Variants in CSMD1 observed in about 807,000 individuals in gnomAD.
CSMD1 encodes CUB and Sushi multiple domains 1, also known as CUB and sushi domain-containing protein 1.
A neutral mutation model predicts 417.5 loss-of-function variants in CSMD1; 213 were observed. The observed-to-expected ratio is 0.51, with a 90% CI of 0.46 to 0.57. The LOEUF (loss-of-function observed/expected upper bound fraction) is 0.57, where lower values mean the gene tolerates loss of function less well. CSMD1 is among the 20% of genes least tolerant of loss of function. The pLI is 0.00. For missense variants in CSMD1, 6,923 were observed against 4,529.7 expected, an observed-to-expected ratio of 1.53 and a Z score of -15.17; for synonymous variants, 2,862 against 1,736.8, an observed-to-expected ratio of 1.65 and a Z score of -16.11.
At chr8:4,834,956 C>CAAAAAAA (rs1194297821) in intron 1 of CSMD1, among the ~76,000 whole-genome samples, 4 of 19,832 alleles carry the variant, frequency 2.0e-4, no homozygotes, top group African/African-American at 7.4e-4. Flanking sequence ...GACTCCATCT[C>CAAAAAAA]AAAAAAAAAA....
chr8:4,120,097 G>A (rs1272386969), intron 3 of CSMD1, among the ~76,000 whole-genome samples: 1 of 152,136 alleles, frequency 6.6e-6, no homozygotes, highest in Non-Finnish European at 1.5e-5. Context: ...TGCTTGAGGG[G>A]ATGGACACCC....
At chr8:4,822,375 A>C (rs1799572011) in intron 1 of CSMD1, among the ~76,000 whole-genome samples, 3 of 152,066 alleles carry the variant, frequency 2.0e-5, no homozygotes, top group African/African-American at 7.2e-5. Flanking sequence ...TCATTGCTTT[A>C]TTTGACCTCA....
chr8:4,164,003 G>T (rs988192288), intron 3 of CSMD1, among the ~76,000 whole-genome samples: 3 of 152,174 alleles, frequency 2.0e-5, no homozygotes, highest in African/African-American at 7.2e-5. Flanking sequence ...ATCGTGAGGA[G>T]AAATTAAATA....
chr8:4,368,965 T>G (rs1371883793), intron 3 of CSMD1, among the ~76,000 whole-genome samples: 2 of 152,136 alleles, frequency 1.3e-5, no homozygotes, highest in African/African-American at 4.8e-5. Flanking sequence ...AGTTCAGCTC[T>G]GATTTTGGTT....
intron 1 of CSMD1, among the ~76,000 whole-genome samples, chr8:4,713,749 C>T (rs1808464158): frequency 6.6e-6 from 1 of 152,176 alleles, no homozygotes; most frequent in South Asian, 2.1e-4. Flanking sequence ...GAGGCAACTC[C>T]ACGGACAGGT....
chr8:3,640,987 C>A (rs1178840265), intron 7 of CSMD1, among the ~76,000 whole-genome samples: 1 of 149,388 alleles, frequency 6.7e-6, no homozygotes, highest in Non-Finnish European at 1.5e-5. Context: ...GAAAATATAC[C>A]ATCATTTTAA....
intron 3 of CSMD1, among the ~76,000 whole-genome samples, chr8:4,339,344 T>G (rs976734703): frequency 2.0e-5 from 3 of 152,094 alleles, no homozygotes; most frequent in Non-Finnish European, 4.4e-5. Context: ...GCTGGCAGAT[T>G]CATCAGCTGG....
chr8:3,081,723 A>G (rs1814114521), intron 49 of CSMD1, among the ~76,000 whole-genome samples: 1 of 152,198 alleles, frequency 6.6e-6, no homozygotes, highest in African/African-American at 2.4e-5. Context: ...ATTACAGCAG[A>G]TAGTCTTTCT....
At chr8:4,034,005 CA>C (rs1201064301) in intron 3 of CSMD1, among the ~76,000 whole-genome samples, 2 of 152,294 alleles carry the variant, frequency 1.3e-5, no homozygotes, top group East Asian at 1.9e-4. Context: ...GAAATACAAA[CA>C]CTTCCAAATA....
At position 4,396,664 on chromosome 8, in the gene CSMD1, T is replaced by A. The variant is rs190931096; in HGVS notation, c.415+23289A>T. Among the ~76,000 whole-genome samples, 352 of 151,160 alleles carry A rather than the reference T, an allele frequency of 2.3e-3. 1 individual carries two copies. Among genetic ancestry groups the A allele is most frequent in the Admixed American group, 6.2e-3 (94 of 15,196 alleles). The stretch of plus-strand genomic sequence containing the variant: ...ACATAAATATCTATATATCTCCCCA[T>A]ACACACACACACCCAATGGAATACC... On this transcript the variant is annotated intron_variant, in intron 3 of 69. Coordinates refer to ENST00000635120, the MANE Select transcript of CSMD1 (RefSeq NM_033225.6).
chr8:3,354,582 G>A (rs2113350), intron 21 of CSMD1, among the ~76,000 whole-genome samples: 113,935 of 151,852 alleles, frequency 0.75, 43,147 homozygotes, highest in South Asian at 0.87. Context: ...ATTTACTCAC[G>A]AAGAATATTT....
At chr8:4,580,906 A>T (rs1799383965) in intron 2 of CSMD1, among the ~76,000 whole-genome samples, 1 of 152,190 alleles carries the variant, frequency 6.6e-6, no homozygotes, top group Non-Finnish European at 1.5e-5. Context: ...ATTGTGTTTG[A>T]CATCATCGGA....
At chr8:3,097,420 A>T (rs1815390945) in intron 46 of CSMD1, among the ~76,000 whole-genome samples, 1 of 151,446 alleles carries the variant, frequency 6.6e-6, no homozygotes, top group Non-Finnish European at 1.5e-5. Flanking sequence ...CAATAAGAAA[A>T]GAAAACTCAT....
At chr8:4,926,556 G>A (rs576061041) in intron 1 of CSMD1, among the ~76,000 whole-genome samples, 1 of 152,260 alleles carries the variant, frequency 6.6e-6, no homozygotes, top group Admixed American at 6.5e-5. Context: ...AGGTACAGAT[G>A]TGATATAGCC....
chr8:3,259,165 C>G (rs1220954640), intron 26 of CSMD1, among the ~76,000 whole-genome samples: 1 of 152,176 alleles, frequency 6.6e-6, no homozygotes, highest in Non-Finnish European at 1.5e-5. Flanking sequence ...TGAAAACATT[C>G]TTATTAGTAT....
chr8:4,206,754 A>G (rs1397186946), intron 3 of CSMD1, among the ~76,000 whole-genome samples: 5 of 152,178 alleles, frequency 3.3e-5, no homozygotes, highest in African/African-American at 4.8e-5. Flanking sequence ...GAATATTTCC[A>G]ATGAAACCAT....
chr8:4,178,564 T>C (rs1300804729), intron 3 of CSMD1, among the ~76,000 whole-genome samples: 11 of 151,114 alleles, frequency 7.3e-5, no homozygotes, highest in Non-Finnish European at 1.5e-4. Flanking sequence ...CAACATAGTG[T>C]TGGAAGTTCT....
chr8:3,802,607 T>C (rs1180502470), intron 5 of CSMD1, among the ~76,000 whole-genome samples: 4 of 152,304 alleles, frequency 2.6e-5, no homozygotes, highest in African/African-American at 7.2e-5. Context: ...ATTCACCAAC[T>C]GTTTATATAA....
Position 4,875,824 on chromosome 8 carries a change from G to GAC in CSMD1, c.85+118506_85+118507dup, listed in dbSNP as rs146525901. On this transcript the variant is annotated intron_variant, in intron 1 of 69. Transcript: ENST00000635120. ...ATATAAAAATGAACACACAGAGACA[G>GAC]ACACACACACACACACACAAACACT... Among the ~76,000 whole-genome samples the GAC allele has an allele frequency of 1.8e-3, 268 of 149,932 alleles. 1 individual carries two copies. Among genetic ancestry groups the GAC allele is most frequent in the Middle Eastern group, 0.01 (3 of 286 alleles).
Sources: allele counts gnomAD v4.1 joint callset (sites outside exome capture counted in the v4.1 genomes callset), GRCh38; gene constraint gnomAD v4.1.1; transcripts MANE v1.5; gene names NCBI Gene and HGNC (gene_info 2026-07-23, HGNC 2026-07-21).